TSHZ2: variants seen among roughly 807,000 people sequenced by gnomAD.
TSHZ2 encodes teashirt zinc finger homeobox 2, also known as teashirt homolog 2.
TSHZ2 carries 21 observed loss-of-function variants against 74.4 expected under a neutral mutation model. The observed-to-expected ratio is 0.28, with a 90% CI of 0.20 to 0.41. The LOEUF (loss-of-function observed/expected upper bound fraction) is 0.41, where lower values mean the gene tolerates loss of function less well. TSHZ2 is among the 10% of genes least tolerant of loss of function. The pLI is 1.00. For missense variants in TSHZ2, 1,244 were observed against 1,293.5 expected (o/e 0.96, Z 0.59); for synonymous variants, 540 against 515.3 (o/e 1.05, Z -0.65).
At chr20:53,469,048 TA>T (rs397865166) in intron 2 of TSHZ2, among the ~76,000 whole-genome samples, 5,799 of 93,672 alleles carry the variant, frequency 0.062, 236 homozygotes, top group East Asian at 0.092. Context: ...CGATATTTTA[TA>T]TATATATATA....
rs1180804040 is a variant in TSHZ2 at position 53,160,958 on chromosome 20, A to G, written c.41-92541A>G. 2.6e-5 allele frequency among the ~76,000 whole-genome samples: 4 copies of G among 152,034 alleles called. No homozygotes were observed. The East Asian group carries it at 7.7e-4, about 29-fold the overall frequency. ...TCCACTAATCTATTAATAAAAGCAG[A>G]CCAGTGATAGGCTTTAAGAATAAAG... On this transcript the variant is annotated intron_variant, in intron 1 of 2. Transcript: ENST00000371497.
intron 2 of TSHZ2, among the ~76,000 whole-genome samples, chr20:53,427,344 G>GA (rs1983690880): frequency 6.6e-6 from 1 of 152,198 alleles, no homozygotes; most frequent in Non-Finnish European, 1.5e-5. Flanking sequence ...CTCATAAAGA[G>GA]AATCAAACCT....
intron 2 of TSHZ2, among the ~76,000 whole-genome samples, chr20:53,267,603 CAT>C (rs1990747078): frequency 6.6e-6 from 1 of 152,210 alleles, no homozygotes; most frequent in Admixed American, 6.5e-5. Context: ...CCTTCTACCA[CAT>C]GACTCTTGTA....
At chr20:53,472,484 G>C (rs995573007) in intron 2 of TSHZ2, among the ~76,000 whole-genome samples, 1 of 152,154 alleles carries the variant, frequency 6.6e-6, no homozygotes, top group African/African-American at 2.4e-5. Flanking sequence ...CAAGCACCCT[G>C]TTTGGGGAAA....
At chr20:53,406,035 A>G (rs1208940388) in intron 2 of TSHZ2, among the ~76,000 whole-genome samples, 1 of 152,134 alleles carries the variant, frequency 6.6e-6, no homozygotes, top group Non-Finnish European at 1.5e-5. Context: ...AAGAAAATAA[A>G]TAGTGGTGAG....
intron 2 of TSHZ2, among the ~76,000 whole-genome samples, chr20:53,282,889 A>G (rs145390346): frequency 3.9e-5 from 6 of 152,362 alleles, no homozygotes; most frequent in African/African-American, 1.4e-4. Context: ...TGCCACTCCC[A>G]GATCAGAACA....
chr20:53,432,754 A>T (rs1210820674), intron 2 of TSHZ2, among the ~76,000 whole-genome samples: 20 of 152,208 alleles, frequency 1.3e-4, no homozygotes, highest in Admixed American at 1.3e-3. Context: ...TGTTTTTTTC[A>T]GTTGGGCTTC....
chr20:53,131,649 C>T (rs1293139759), intron 1 of TSHZ2, among the ~76,000 whole-genome samples: 1 of 152,114 alleles, frequency 6.6e-6, no homozygotes, highest in African/African-American at 2.4e-5. Context: ...TAAGAAGTAT[C>T]TTTAGGCATC....
At chr20:53,370,064 C>A (rs142647935) in intron 2 of TSHZ2, among the ~76,000 whole-genome samples, 1 of 152,032 alleles carries the variant, frequency 6.6e-6, no homozygotes, top group Admixed American at 6.6e-5. Context: ...GGGAGTGTCA[C>A]GGTGTCGTAG....
rs930835141 is a variant in TSHZ2, at chr20:53,074,164, C to T, written c.40+100831C>T. On this transcript the variant is annotated intron_variant, in intron 1 of 2. Coordinates refer to ENST00000371497, the MANE Select transcript of TSHZ2 (RefSeq NM_173485.6). This position sits in a 1 kb window ranked among gnomAD's most constrained non-coding sequence, Gnocchi z 5.9. ...ATCTTTTAAACTGCTGTTCAAATGTCGCCTTCTCAATGGAGCCCTCCTTGA... is the reference window on the plus strand; with the variant it reads ...ATCTTTTAAACTGCTGTTCAAATGTTGCCTTCTCAATGGAGCCCTCCTTGA... Among the ~76,000 whole-genome samples the T allele has an allele frequency of 5.9e-5, 9 of 152,214 alleles. No homozygotes were observed. The highest frequency in any genetic ancestry group is 7.3e-5 in the Non-Finnish European group (5 of 68,038).
intron 1 of TSHZ2, among the ~76,000 whole-genome samples, chr20:53,114,443 T>A (rs1394353463): frequency 6.7e-6 from 1 of 148,450 alleles, no homozygotes; most frequent in Admixed American, 6.6e-5. Context: ...CCTCACGATA[T>A]GTCATGAAGA....
Position 53,254,314 on chromosome 20 carries a change from T to G in TSHZ2, c.856T>G (p.Ser286Ala), listed in dbSNP as rs1990409709. 4 of 1,614,038 alleles carry G rather than the reference T, an allele frequency of 2.5e-6. No individual in the cohort carries two copies. The African/African-American group carries it at 4.0e-5, about 16-fold the overall frequency. The change falls in exon 2 of 3, where the codon TCC becomes GCC. Residue 286 changes from serine to alanine, a missense_variant. This residue lies in a region of TSHZ2 where 470 missense variants were observed against 456.5 expected (regional missense o/e 1.03). Transcript: ENST00000371497. ...TATGTTTTGTGGCGACTCCTTTGAT[T>G]CCCTCCAAGATTTGAGCGTCCACAT... is the stretch of plus-strand genomic sequence containing the variant. ...KCMFCGDSFD[S>A]LQDLSVHMIK...
At chr20:53,271,340 G>C (rs1990833478) in intron 2 of TSHZ2, among the ~76,000 whole-genome samples, 1 of 152,196 alleles carries the variant, frequency 6.6e-6, no homozygotes, top group Admixed American at 6.5e-5. Flanking sequence ...GGAAGGCTGA[G>C]CTCACATACT....
At chr20:53,077,622 G>T (rs931896841) in intron 1 of TSHZ2, among the ~76,000 whole-genome samples, 2 of 152,078 alleles carry the variant, frequency 1.3e-5, no homozygotes, top group African/African-American at 4.8e-5. Flanking sequence ...GGAGGTTTAG[G>T]CACATCATAC....
intron 1 of TSHZ2, among the ~76,000 whole-genome samples, chr20:53,029,182 C>T (rs1983549299): frequency 6.6e-6 from 1 of 152,204 alleles, no homozygotes; most frequent in Non-Finnish European, 1.5e-5. Flanking sequence ...TCTGCAGTAG[C>T]TGCTGACTAA....
intron 1 of TSHZ2, among the ~76,000 whole-genome samples, chr20:52,984,496 G>T (rs57604306): frequency 0.021 from 3,229 of 152,282 alleles, 140 homozygotes; most frequent in African/African-American, 0.073. Context: ...GCCAGGCACA[G>T]CTGAAAATCC....
At chr20:53,402,050 C>T (rs985017859) in intron 2 of TSHZ2, among the ~76,000 whole-genome samples, 11 of 151,950 alleles carry the variant, frequency 7.2e-5, no homozygotes, top group East Asian at 1.9e-4. Flanking sequence ...CTCAAAGTGC[C>T]GGGATTACAG....
At chr20:53,023,611 C>T (rs1040875533) in intron 1 of TSHZ2, among the ~76,000 whole-genome samples, 8 of 92,476 alleles carry the variant, frequency 8.7e-5, no homozygotes, top group Admixed American at 5.4e-4. Flanking sequence ...TGCTTTAACT[C>T]GTTTTTTGTT....
At chr20:53,050,660 G>A (rs1222751313) in intron 1 of TSHZ2, among the ~76,000 whole-genome samples, 1 of 152,186 alleles carries the variant, frequency 6.6e-6, no homozygotes, top group Admixed American at 6.5e-5. Context: ...CTATTTAAAA[G>A]GGGTTGTCTA....
Sources: gnomAD v4.1 joint callset for allele counts (sites outside exome capture counted in the v4.1 genomes callset) on GRCh38, gnomAD v4.1.1 for gene constraint, gnomAD v4.1.1 regional missense constraint, Gnocchi (gnomAD v3.1) non-coding constraint, MANE v1.5 for transcripts, NCBI Gene and HGNC (gene_info 2026-07-23, HGNC 2026-07-21) for gene names.